The following FSTL1 variants were observed in gnomAD, a reference collection of about 807,000 sequenced individuals.
The protein encoded by FSTL1 is follistatin like 1.
Under a neutral mutation model 45.9 loss-of-function variants are expected in FSTL1, and 24 were observed. The observed-to-expected ratio is 0.52, with a 90% CI of 0.38 to 0.74. The LOEUF (loss-of-function observed/expected upper bound fraction) is 0.74. FSTL1 is among the 30% of genes least tolerant of loss of function. The probability of loss-of-function intolerance (pLI) is 0.00; values close to 1 mark genes in which losing one functional copy is unlikely to be tolerated. For missense variants in FSTL1, 340 were observed against 381.8 expected (o/e 0.89, Z 0.91); for synonymous variants, 120 against 137.6 (o/e 0.87, Z 0.89).
At chr3:120,401,880 T>C (rs901126351) in intron 9 of FSTL1, among the ~76,000 whole-genome samples, 6 of 152,250 alleles carry the variant, frequency 3.9e-5, no homozygotes, top group African/African-American at 1.4e-4. Flanking sequence ...CTGATATAAC[T>C]TTAGGTTCAC....
At chr3:120,441,834 G>A (rs916097561) in intron 2 of FSTL1, among the ~76,000 whole-genome samples, 6 of 152,204 alleles carry the variant, frequency 3.9e-5, no homozygotes, top group African/African-American at 1.4e-4. Flanking sequence ...TAGATACTCT[G>A]GATTAAGCCC....
chr3:120,426,872 C>T (rs1024823369), intron 2 of FSTL1, among the ~76,000 whole-genome samples: 1 of 152,140 alleles, frequency 6.6e-6, no homozygotes, highest in African/African-American at 2.4e-5. Flanking sequence ...TCACTTCGAG[C>T]AACCCTCCAC....
At chr3:120,425,269 T>C (rs963969624) in intron 2 of FSTL1, among the ~76,000 whole-genome samples, 6 of 151,720 alleles carry the variant, frequency 4.0e-5, no homozygotes, top group East Asian at 1.9e-4. Flanking sequence ...ATTCAGAGAA[T>C]TGGGAGGAAA....
chr3:120,433,304 C>A (rs927044885), intron 2 of FSTL1, among the ~76,000 whole-genome samples: 6 of 152,236 alleles, frequency 3.9e-5, no homozygotes, highest in Non-Finnish European at 7.3e-5. Context: ...AAGCCCAGCA[C>A]TACTATCATG....
intron 2 of FSTL1, among the ~76,000 whole-genome samples, chr3:120,433,590 A>G (rs1229494484): frequency 1.3e-5 from 2 of 152,230 alleles, no homozygotes; most frequent in African/African-American, 4.8e-5. Context: ...GCCCTATTCT[A>G]AAGGAGTACA....
chr3:120,424,634 T>C (rs1937343921), intron 2 of FSTL1, among the ~76,000 whole-genome samples: 1 of 151,326 alleles, frequency 6.6e-6, no homozygotes, highest in African/African-American at 2.4e-5. Flanking sequence ...GTGATGACAG[T>C]TGCATCTACA....
chr3:120,398,945 C>T (rs1334992946), intron 10 of FSTL1, among the ~76,000 whole-genome samples: 1 of 152,038 alleles, frequency 6.6e-6, no homozygotes, highest in East Asian at 1.9e-4. Context: ...CTTAAACAAC[C>T]GACATGAGAT....
At chr3:120,438,960 C>A (rs1234740432) in intron 2 of FSTL1, among the ~76,000 whole-genome samples, 1 of 152,182 alleles carries the variant, frequency 6.6e-6, no homozygotes, top group East Asian at 1.9e-4. Flanking sequence ...GACTCGTTGC[C>A]AGTCCCCCGG....
intron 2 of FSTL1, 115 bp downstream of exon 2, chr3:120,450,569 C>G: frequency 1.6e-6 from 1 of 625,478 alleles, no homozygotes; most frequent in Non-Finnish European, 2.6e-6. Flanking sequence ...CCCCAAGGAC[C>G]GAAACTCCCA....
At position 120,400,064 on chromosome 3, in the gene FSTL1, T is replaced by C. The variant is rs530178045; in HGVS notation, c.806-105A>G. On this transcript the variant is annotated intron_variant, in intron 9 of 10. Transcript: ENST00000295633. ...CTCAATTCATCTCCCATTTAACTTG[T>C]GGAAGGAGAGGTGAATTACCCACAT... 1.0e-4 allele frequency: 80 copies of C among 777,602 alleles called. 1 individual carries two copies. The highest frequency in any genetic ancestry group is 9.7e-4 in the South Asian group (63 of 65,240). The allele number at this position is 777,602 out of a possible 1,614,324, so 48.2% of individuals were successfully genotyped here. A position where few individuals can be genotyped will look rare whatever the true frequency, so the allele number is the denominator to read the frequency against.
rs946716407 is a variant in FSTL1 at position 120,443,885 on chromosome 3, T to C, written c.63+6799A>G. Among the ~76,000 whole-genome samples the C allele has an allele frequency of 2.6e-4, 39 of 150,000 alleles. 5 individuals carry two copies. The highest frequency in any genetic ancestry group is 9.9e-4 in the African/African-American group (39 of 39,316). On this transcript the variant is annotated intron_variant, in intron 2 of 10. Coordinates refer to ENST00000295633, the MANE Select transcript of FSTL1 (RefSeq NM_007085.5). The stretch of plus-strand genomic sequence containing the variant: ...AGGAAATGAAGATTTATGGGAATTA[T>C]TTTGTACTCCAACTACCCAAAGAGC...
intron 5 of FSTL1, chr3:120,410,695 C>T (rs1461029334): frequency 6.6e-6 from 4 of 605,952 alleles, no homozygotes; most frequent in African/African-American, 1.8e-5. Context: ...CCTGTTTATG[C>T]AGTTCAATCA....
intron 2 of FSTL1, among the ~76,000 whole-genome samples, chr3:120,418,451 C>T (rs1404127156): frequency 2.0e-5 from 3 of 152,140 alleles, no homozygotes; most frequent in African/African-American, 7.2e-5. Flanking sequence ...TCAATAACTC[C>T]TTAAGTTAGA....
intron 2 of FSTL1, chr3:120,419,072 C>T (rs1191884796): frequency 1.3e-5 from 2 of 152,090 alleles, no homozygotes; most frequent in Non-Finnish European, 2.9e-5. Context: ...GCAGGTGACA[C>T]GTCTGTCAAT....
chr3:120,417,703 G>A (rs1330913679), intron 2 of FSTL1, among the ~76,000 whole-genome samples: 2 of 152,254 alleles, frequency 1.3e-5, no homozygotes, highest in African/African-American at 2.4e-5. Flanking sequence ...AGAGGAAAAG[G>A]TTTTTGCTGA....
At chr3:120,446,433 A>C (rs1159862310) in intron 2 of FSTL1, among the ~76,000 whole-genome samples, 4 of 152,206 alleles carry the variant, frequency 2.6e-5, no homozygotes, top group Non-Finnish European at 5.9e-5. Flanking sequence ...CACCTTCTAA[A>C]GCCACTTGCG....
Position 120,438,381 on chromosome 3 carries a change from T to C in FSTL1, c.63+12303A>G, listed in dbSNP as rs146693403. 1.2e-4 allele frequency: 18 copies of C among 152,316 alleles called. 1 individual carries two copies. The East Asian group carries it at 2.1e-3, about 18-fold the overall frequency. 9.4% of individuals were successfully genotyped at this position (152,316 alleles called of 1,614,324 possible). ...TGGAAAATCAAGTGATTCCTTTCTG[T>C]AGAGTAAACAGCATTTGGGATTCCT... On this transcript the variant is annotated intron_variant, in intron 2 of 10. Transcript: ENST00000295633.
chr3:120,443,335 G>A (rs1359271039), intron 2 of FSTL1, among the ~76,000 whole-genome samples: 1 of 149,536 alleles, frequency 6.7e-6, no homozygotes, highest in African/African-American at 2.6e-5. Context: ...CAGCGATGGT[G>A]GTAGCAGCTC....
At chr3:120,412,851 C>CACACACAT (rs1937099336) in intron 3 of FSTL1, among the ~76,000 whole-genome samples, 2 of 151,084 alleles carry the variant, frequency 1.3e-5, no homozygotes, top group African/African-American at 2.4e-5. Context: ...CACACACACA[C>CACACACAT]ACACACACAC....
Sources: gnomAD v4.1 joint callset for allele counts (sites outside exome capture counted in the v4.1 genomes callset) on GRCh38, gnomAD v4.1.1 for gene constraint, MANE v1.5 for transcripts, NCBI Gene and HGNC (gene_info 2026-07-23, HGNC 2026-07-21) for gene names.